Variants in CCDC181 observed in about 807,000 individuals in gnomAD.
CCDC181 encodes the protein coiled-coil domain-containing protein 181.
A neutral mutation model predicts 58.7 loss-of-function variants in CCDC181; 35 were observed. The ratio of observed to expected loss-of-function variants is 0.60; its 90% CI spans 0.46 to 0.79. CCDC181 has a LOEUF of 0.79. Among genes scored for constraint, CCDC181 ranks in the 30% least tolerant of loss-of-function variants. The pLI is 0.00. For synonymous variants in CCDC181, 183 were observed against 197.5 expected (o/e 0.93, Z 0.62); for missense variants, 517 against 583.9 (o/e 0.89, Z 1.18).
At chr1:169,400,460 G>T (rs893182928) in intron 4 of CCDC181, among the ~76,000 whole-genome samples, 1 of 151,812 alleles carries the variant, frequency 6.6e-6, no homozygotes, top group South Asian at 2.1e-4. Flanking sequence ...AAAAATCACT[G>T]GATATCTAAA....
intron 2 of CCDC181, among the ~76,000 whole-genome samples, chr1:169,454,942 A>T (rs976151804): frequency 1.3e-5 from 2 of 152,000 alleles, no homozygotes; most frequent in Non-Finnish European, 2.9e-5. Context: ...GTACAATACA[A>T]CATAGACGGC....
intron 2 of CCDC181, among the ~76,000 whole-genome samples, chr1:169,441,807 CTA>C (rs1204043326): frequency 6.6e-6 from 1 of 151,756 alleles, no homozygotes; most frequent in Non-Finnish European, 1.5e-5. Flanking sequence ...TCATCAAGGA[CTA>C]TGAGATTTTA....
intron 4 of CCDC181, among the ~76,000 whole-genome samples, chr1:169,415,650 T>G (rs139523612): frequency 1.1e-4 from 16 of 152,268 alleles, no homozygotes; most frequent in Admixed American, 7.2e-4. Flanking sequence ...AGAAAACCCA[T>G]CCTCCTTTGA....
intron 2 of CCDC181, among the ~76,000 whole-genome samples, chr1:169,452,146 C>A (rs1657559591): frequency 6.6e-6 from 1 of 151,560 alleles, no homozygotes; most frequent in African/African-American, 2.4e-5. Context: ...TTCAGGATTA[C>A]ACCTTAGGTT....
chr1:169,435,894 G>A (rs1046059894), intron 2 of CCDC181, among the ~76,000 whole-genome samples: 3 of 152,052 alleles, frequency 2.0e-5, no homozygotes, highest in East Asian at 1.9e-4. Flanking sequence ...AACCTTGTGC[G>A]ATATAACTGA....
At chr1:169,402,832 A>G (rs1476620351) in intron 4 of CCDC181, among the ~76,000 whole-genome samples, 1 of 152,218 alleles carries the variant, frequency 6.6e-6, no homozygotes, top group Non-Finnish European at 1.5e-5. Flanking sequence ...TAAATGGGCT[A>G]AATGCTCCAA....
At chr1:169,407,557 G>A (rs1655733650) in intron 4 of CCDC181, among the ~76,000 whole-genome samples, 1 of 152,122 alleles carries the variant, frequency 6.6e-6, no homozygotes, top group Admixed American at 6.6e-5. Flanking sequence ...ATGAGTAATT[G>A]AACAAATAGA....
chr1:169,458,291 G>C (rs911561525), intron 2 of CCDC181, among the ~76,000 whole-genome samples: 1 of 150,546 alleles, frequency 6.6e-6, no homozygotes, highest in Non-Finnish European at 1.5e-5. Context: ...CATAGGAAAT[G>C]CATATATTTG....
At chr1:169,446,172 G>A (rs1657368054) in intron 2 of CCDC181, among the ~76,000 whole-genome samples, 1 of 152,034 alleles carries the variant, frequency 6.6e-6, no homozygotes, top group African/African-American at 2.4e-5. Context: ...TAGGCCGGGT[G>A]CGGTGGCTCA....
chr1:169,456,295 A>C (rs1657673375), intron 2 of CCDC181, among the ~76,000 whole-genome samples: 3 of 152,174 alleles, frequency 2.0e-5, no homozygotes, highest in Admixed American at 2.0e-4. Flanking sequence ...GGTGGGGAGC[A>C]CAGATGCACT....
At chr1:169,442,310 C>A (rs913639663) in intron 2 of CCDC181, among the ~76,000 whole-genome samples, 3 of 151,552 alleles carry the variant, frequency 2.0e-5, no homozygotes, top group African/African-American at 7.3e-5. Context: ...CTAATATATT[C>A]CTTAGGAGTC....
Position 169,395,139 on chromosome 1 carries a change from G to A in CCDC181, c.1438C>T (p.Leu480Phe). The A allele has an allele frequency of 6.2e-7, 1 of 1,613,552 alleles. No homozygotes were observed. Among genetic ancestry groups the A allele is most frequent in the South Asian group, 1.1e-5 (1 of 90,982 alleles). ...TTAGAACGCTTAGCTTCTAGTCGGA[G>A]CTGTCTAGTTCTCTCTCTGACAGCT... ...QQAVRERTRQ[L>F]RLEAKRSKQL... The change falls in exon 6 of 6, where the codon CTC (leucine) becomes TTC (phenylalanine). Residue 480 changes from leucine to phenylalanine, a missense_variant. Leu to Phe is a conservative substitution (Grantham distance 22, BLOSUM62 0). Transcript: ENST00000367806.
intron 3 of CCDC181, among the ~76,000 whole-genome samples, chr1:169,419,967 T>A (rs1488320635): frequency 6.6e-6 from 1 of 152,210 alleles, no homozygotes; most frequent in African/African-American, 2.4e-5. Context: ...TTGAAGACCA[T>A]GCCTTGAGCC....
Position 169,395,180 on chromosome 1 carries a change from T to G in CCDC181, c.1397A>C (p.Lys466Thr), listed in dbSNP as rs1654945679. Residue 466 changes from lysine to threonine, a missense_variant, in exon 6 of 6, where the codon AAA (lysine) becomes ACA (threonine). Coordinates refer to ENST00000367806, the MANE Select transcript of CCDC181 (RefSeq NM_001300969.2). ...TCTGACAGCTTGTTGCTCTGCCATT[T>G]TTTCCATCCGTTTCCTTCTTAACCA... is the stretch of plus-strand genomic sequence containing the variant. ...KQWLRRKRME[K>T]MAEQQAVRER... is the part of the protein sequence containing the mutation. 1 of 1,612,146 alleles carries G rather than the reference T, an allele frequency of 6.2e-7. No individual in the cohort carries two copies. The highest frequency in any genetic ancestry group is 8.5e-7 in the Non-Finnish European group (1 of 1,179,422).
intron 2 of CCDC181, chr1:169,451,123 A>G (rs1231047426): frequency 3.3e-5 from 5 of 152,096 alleles, no homozygotes; most frequent in African/African-American, 1.2e-4. Flanking sequence ...TGGAAGTCCA[A>G]TTCTCTTACC....
At chr1:169,427,802 T>C (rs947868835), upstream of CCDC181, among the ~76,000 whole-genome samples, 1 of 152,242 alleles carries the variant, frequency 6.6e-6, no homozygotes, top group Admixed American at 6.5e-5. Context: ...AGTTACCATA[T>C]TTTTGACCCT....
intron 2 of CCDC181, among the ~76,000 whole-genome samples, chr1:169,439,815 G>T (rs1428702248): frequency 6.6e-6 from 1 of 152,086 alleles, no homozygotes; most frequent in Non-Finnish European, 1.5e-5. Flanking sequence ...GTGGGAAGCT[G>T]GAAAGGGAAT....
At chr1:169,444,401 A>G (rs1219044734) in intron 2 of CCDC181, among the ~76,000 whole-genome samples, 3 of 152,164 alleles carry the variant, frequency 2.0e-5, no homozygotes, top group South Asian at 2.1e-4. Flanking sequence ...CTCAGGTGGC[A>G]TTTTTATTAG....
At chr1:169,416,401 G>A (rs1490524864) in intron 4 of CCDC181, among the ~76,000 whole-genome samples, 1 of 152,058 alleles carries the variant, frequency 6.6e-6, no homozygotes, top group African/African-American at 2.4e-5. Context: ...AGGAGCCTCT[G>A]AGCCCCCCTG....
Sources: gnomAD v4.1 joint callset for allele counts (sites outside exome capture counted in the v4.1 genomes callset) on GRCh38, gnomAD v4.1.1 for gene constraint, MANE v1.5 for transcripts, NCBI Gene and HGNC (gene_info 2026-07-23, HGNC 2026-07-21) for gene names.